MROH1: variants seen among roughly 807,000 people sequenced by gnomAD.
MROH1 encodes the protein maestro heat-like repeat-containing protein family member 1.
MROH1 carries 117 observed loss-of-function variants against 116.5 expected under a neutral mutation model. The observed-to-expected ratio is 1.00, with a 90% CI of 0.86 to 1.17. MROH1 has a LOEUF of 1.17. MROH1 is among the 50% of genes most tolerant of loss of function. The pLI, the probability that MROH1 is intolerant of heterozygous loss-of-function variation, is 0.00. For missense variants in MROH1, 1,873 were observed against 1,338.5 expected (o/e 1.40, Z -6.23); for synonymous variants, 921 against 583.9 (o/e 1.58, Z -8.32).
intron 14 of MROH1, among the ~76,000 whole-genome samples, chr8:144,230,953 C>A (rs1260445704): frequency 4.3e-5 from 6 of 141,108 alleles, no homozygotes; most frequent in Admixed American, 1.4e-4. Flanking sequence ...GAGGACCCTG[C>A]GGCCTTCCGC....
intron 11 of MROH1, 48 bp from the exon 12 acceptor site, chr8:144,200,380 G>C: frequency 7.0e-7 from 1 of 1,424,398 alleles, no homozygotes; most frequent in Non-Finnish European, 9.6e-7. Flanking sequence ...CTGTGTATAG[G>C]GATGAACAAG....
At chr8:144,175,456 A>G in intron 4 of MROH1, 1 of 980,476 alleles carries the variant, frequency 1.0e-6, no homozygotes, top group Non-Finnish European at 1.2e-6. Context: ...GAACCAGACC[A>G]ATTTACACTG....
intron 2 of MROH1, among the ~76,000 whole-genome samples, chr8:144,162,910 A>G (rs939387142): frequency 1.3e-5 from 2 of 151,420 alleles, no homozygotes; most frequent in African/African-American, 4.9e-5. Context: ...TTTAGTAGAG[A>G]CAGAGTTTCA....
At position 144,249,548 on chromosome 8, in the gene MROH1, G is replaced by A. The variant is rs927970588; in HGVS notation, c.3273+519G>A. ...CCCATCATGAGCAGGGAGCCCCCTC[G>A]TGACAAGGCCGTCCCCCAGAGTGAG... On this transcript the variant is annotated intron_variant, in intron 32 of 43. Coordinates refer to ENST00000326134, the MANE Select transcript of MROH1 (RefSeq NM_032450.3). Among the ~76,000 whole-genome samples the A allele has an allele frequency of 3.2e-4, 48 of 152,250 alleles. 1 individual carries two copies. The South Asian group carries it at 6.2e-3, about 20-fold the overall frequency.
chr8:144,214,140 A>T (rs1332918227), intron 12 of MROH1: 1 of 152,150 alleles, frequency 6.6e-6, no homozygotes, highest in East Asian at 1.9e-4. Context: ...CCTTGGCCAC[A>T]CTCGGCTGCC....
At chr8:144,246,515 C>G (rs1460963497) in intron 29 of MROH1, among the ~76,000 whole-genome samples, 1 of 152,152 alleles carries the variant, frequency 6.6e-6, no homozygotes, top group East Asian at 1.9e-4. Flanking sequence ...ATCACATAAC[C>G]CTGGTCTGGC....
Position 144,209,770 on chromosome 8 carries a change from G to A in MROH1, c.1141+9229G>A, listed in dbSNP as rs140946374. ...CTAAAAATAAAAAAAGCCAGGTGTG[G>A]TAGCATGCATCTGTAGTCCCAGCTA... On this transcript the variant is annotated intron_variant, in intron 12 of 43. Transcript: ENST00000326134. Among the ~76,000 whole-genome samples the A allele has an allele frequency of 3.9e-3, 592 of 151,306 alleles. 6 individuals are homozygous for A. The highest frequency in any genetic ancestry group is 0.011 in the South Asian group (52 of 4,764).
At chr8:144,174,860 C>T (rs896465965) in intron 4 of MROH1, 35 of 985,270 alleles carry the variant, frequency 3.6e-5, no homozygotes, top group Non-Finnish European at 4.2e-5. Context: ...TAACCCATTG[C>T]AGACTTGCTG....
intron 12 of MROH1, chr8:144,214,044 C>T (rs1314515767): frequency 1.3e-5 from 2 of 152,132 alleles, no homozygotes; most frequent in Non-Finnish European, 2.9e-5. Context: ...CCTGCAGTGC[C>T]CTGCAGTTGG....
At chr8:144,255,066 C>A in intron 34 of MROH1, 88 bp downstream of exon 34, 1 of 653,210 alleles carries the variant, frequency 1.5e-6, no homozygotes, top group Non-Finnish European at 2.8e-6. Flanking sequence ...ATGAGGTGGC[C>A]CGGACGCCAC....
chr8:144,192,590 G>A (rs1828916129), intron 10 of MROH1, 189 bp downstream of exon 10: 1 of 705,090 alleles, frequency 1.4e-6, no homozygotes, highest in Non-Finnish European at 2.6e-6. Context: ...CTGCCCAGTA[G>A]TGGCACATGC....
At chr8:144,168,244 TAGG>T (rs1242118059) in intron 3 of MROH1, 48 bp from the exon 4 acceptor site, 2 of 1,507,998 alleles carry the variant, frequency 1.3e-6, no homozygotes, top group Non-Finnish European at 1.8e-6. Flanking sequence ...CGAGGTGTGA[TAGG>T]AGAGGGCGCT....
intron 12 of MROH1, among the ~76,000 whole-genome samples, chr8:144,211,375 CAA>C (rs1181509934): frequency 6.6e-6 from 1 of 152,150 alleles, no homozygotes; most frequent in Non-Finnish European, 1.5e-5. Context: ...AACACCTTGA[CAA>C]AGAGATACTT....
chr8:144,150,083 T>C (rs1401766120), intron 1 of MROH1, among the ~76,000 whole-genome samples: 1 of 152,178 alleles, frequency 6.6e-6, no homozygotes, highest in Non-Finnish European at 1.5e-5. Context: ...TCCTGTGGCC[T>C]GCACAGCCTC....
chr8:144,174,200 G>T (rs375786777), intron 4 of MROH1, among the ~76,000 whole-genome samples: 1 of 152,278 alleles, frequency 6.6e-6, no homozygotes, highest in African/African-American at 2.4e-5. Context: ...TAGGTGAAGG[G>T]TGGGGATCAA....
At chr8:144,199,261 GC>G in intron 11 of MROH1, 61 bp downstream of exon 11, 1 of 1,511,140 alleles carries the variant, frequency 6.6e-7, no homozygotes, top group Non-Finnish European at 9.1e-7. Context: ...GTCACTGCCT[GC>G]TGTATGTGGA....
At chr8:144,199,408 G>T (rs991954624) in intron 11 of MROH1, among the ~76,000 whole-genome samples, 4 of 152,128 alleles carry the variant, frequency 2.6e-5, no homozygotes, top group Non-Finnish European at 4.4e-5. Flanking sequence ...GTTCACCTCC[G>T]AGGAGCGTGC....
chr8:144,179,653 C>A, intron 5 of MROH1, 67 bp downstream of exon 5: 1 of 1,544,852 alleles, frequency 6.5e-7, no homozygotes, highest in East Asian at 2.4e-5. Context: ...GCTTCTTGGC[C>A]TTTCTACCCA....
intron 12 of MROH1, chr8:144,213,883 T>C (rs143233842): frequency 3.2e-4 from 49 of 152,376 alleles, no homozygotes; most frequent in African/African-American, 9.1e-4. Context: ...AGCATTGTTA[T>C]CGAAGTCTGA....
Sources: gnomAD v4.1 joint callset for allele counts (sites outside exome capture counted in the v4.1 genomes callset) on GRCh38, gnomAD v4.1.1 for gene constraint, MANE v1.5 for transcripts, NCBI Gene and HGNC (gene_info 2026-07-23, HGNC 2026-07-21) for gene names.